TLN2: variants seen among roughly 807,000 people sequenced by gnomAD.
TLN2 encodes the protein talin 2.
TLN2 carries 118 observed loss-of-function variants against 294.7 expected under a neutral mutation model. The ratio of observed to expected loss-of-function variants is 0.40; its 90% CI spans 0.34 to 0.47. TLN2 has a LOEUF of 0.47. Among genes scored for constraint, TLN2 ranks in the 20% least tolerant of loss-of-function variants. The pLI is 0.84. For missense variants in TLN2, 3,083 were observed against 3,282.2 expected (o/e 0.94, Z 1.48); for synonymous variants, 1,431 against 1,304.5 (o/e 1.10, Z -2.09).
intron 1 of TLN2, among the ~76,000 whole-genome samples, chr15:62,423,227 C>G (rs1379573223): frequency 6.6e-6 from 1 of 152,046 alleles, no homozygotes; most frequent in African/African-American, 2.4e-5. Flanking sequence ...CACCTCGTCT[C>G]TACAAAAAAA....
chr15:62,570,402 C>T (rs1008961819), intron 1 of TLN2, among the ~76,000 whole-genome samples: 1 of 152,168 alleles, frequency 6.6e-6, no homozygotes, highest in African/African-American at 2.4e-5. Context: ...CTCTTGTGTT[C>T]CTGAGGGAGC....
chr15:62,729,241 C>T (rs369418993), intron 28 of TLN2, among the ~76,000 whole-genome samples: 1 of 152,166 alleles, frequency 6.6e-6, no homozygotes. Context: ...TACTATATTG[C>T]AGTTTTATAC....
At chr15:62,787,487 T>C (rs1235320184) in intron 45 of TLN2, among the ~76,000 whole-genome samples, 3 of 152,012 alleles carry the variant, frequency 2.0e-5, no homozygotes, top group African/African-American at 4.8e-5. Context: ...TACTTTTATT[T>C]CGACAAAAAA....
At chr15:62,492,347 A>G (rs2038782730) in intron 1 of TLN2, among the ~76,000 whole-genome samples, 2 of 151,970 alleles carry the variant, frequency 1.3e-5, no homozygotes, top group South Asian at 4.1e-4. Flanking sequence ...TCACGAGGTC[A>G]GGAGATCGAG....
intron 19 of TLN2, among the ~76,000 whole-genome samples, chr15:62,703,183 A>G (rs997921815): frequency 4.6e-5 from 7 of 150,666 alleles, no homozygotes; most frequent in East Asian, 2.0e-4. Context: ...GCTCATTGCA[A>G]CCTCCATCTC....
chr15:62,593,443 C>G (rs2046240938), intron 2 of TLN2, among the ~76,000 whole-genome samples: 3 of 152,252 alleles, frequency 2.0e-5, no homozygotes, highest in Admixed American at 2.0e-4. Context: ...ACTTACTAAA[C>G]CATGGTATAA....
intron 1 of TLN2, among the ~76,000 whole-genome samples, chr15:62,516,720 G>A (rs1365266666): frequency 1.3e-5 from 2 of 152,184 alleles, no homozygotes; most frequent in African/African-American, 4.8e-5. Context: ...GAAGCTCTAG[G>A]GGGCAGGTGA....
intron 1 of TLN2, among the ~76,000 whole-genome samples, chr15:62,517,301 A>T (rs2040235694): frequency 6.6e-6 from 1 of 152,116 alleles, no homozygotes; most frequent in South Asian, 2.1e-4. Context: ...CATACCCTGA[A>T]CTGCTGTTAG....
At chr15:62,640,141 G>A (rs892223642) in intron 3 of TLN2, 1 of 455,082 alleles carries the variant, frequency 2.2e-6, no homozygotes, top group Non-Finnish European at 4.4e-6. Context: ...CTGTGACCCA[G>A]TGCATGGTGG....
At chr15:62,822,219 A>G (rs1014771234) in intron 54 of TLN2, among the ~76,000 whole-genome samples, 1 of 152,226 alleles carries the variant, frequency 6.6e-6, no homozygotes, top group African/African-American at 2.4e-5. Flanking sequence ...TTCCTACCCC[A>G]TAGGATTATT....
chr15:62,396,339 A>G (rs1176457266), intron 1 of TLN2, among the ~76,000 whole-genome samples: 1 of 152,236 alleles, frequency 6.6e-6, no homozygotes, highest in African/African-American at 2.4e-5. Flanking sequence ...TGGTTAATGG[A>G]TAAGAAACTC....
chr15:62,809,456 G>A lies in TLN2; in HGVS notation c.6664-469G>A, dbSNP rs555396219. Among the ~76,000 whole-genome samples the A allele has an allele frequency of 1.1e-4, 16 of 152,284 alleles. No homozygotes were observed. The South Asian group carries it at 2.9e-3, about 28-fold the overall frequency. Reference sequence around the variant, plus strand: ...GGTCACAGAGACCTCACTGACTGCAGCATGGTCAGGCCCAGGGGTGAGAGC... The same window carrying A: ...GGTCACAGAGACCTCACTGACTGCAACATGGTCAGGCCCAGGGGTGAGAGC... On this transcript the variant is annotated intron_variant, in intron 51 of 58. Coordinates refer to ENST00000636159, the MANE Select transcript of TLN2 (RefSeq NM_015059.3).
At chr15:62,748,810 A>C (rs1231156926) in intron 33 of TLN2, among the ~76,000 whole-genome samples, 3 of 152,198 alleles carry the variant, frequency 2.0e-5, no homozygotes, top group Non-Finnish European at 2.9e-5. Flanking sequence ...TTCTGGAACA[A>C]TGGGGAGAGA....
At chr15:62,589,331 AAAG>A (rs2045907995) in intron 1 of TLN2, among the ~76,000 whole-genome samples, 1 of 152,206 alleles carries the variant, frequency 6.6e-6, no homozygotes, top group African/African-American at 2.4e-5. Flanking sequence ...CTAATTTTAA[AAAG>A]AAGCAGAGTG....
intron 3 of TLN2, among the ~76,000 whole-genome samples, chr15:62,621,238 A>G (rs1007169937): frequency 6.6e-5 from 10 of 152,150 alleles, no homozygotes; most frequent in African/African-American, 2.2e-4. Context: ...TCAAGGATTC[A>G]GGTTAGAGCA....
intron 1 of TLN2, among the ~76,000 whole-genome samples, chr15:62,553,480 G>A (rs906500932): frequency 7.9e-5 from 12 of 151,508 alleles, no homozygotes; most frequent in African/African-American, 2.2e-4. Flanking sequence ...GCGAGACTCC[G>A]TCTCAAAAAA....
chr15:62,510,498 A>C (rs1460196686), intron 1 of TLN2, among the ~76,000 whole-genome samples: 3 of 152,268 alleles, frequency 2.0e-5, no homozygotes, highest in African/African-American at 7.2e-5. Context: ...ATCATATTTA[A>C]ATCTTGCCCA....
intron 1 of TLN2, among the ~76,000 whole-genome samples, chr15:62,558,288 T>C (rs1017663759): frequency 2.0e-5 from 3 of 152,200 alleles, no homozygotes; most frequent in Admixed American, 2.0e-4. Flanking sequence ...TTATAGGATT[T>C]CGAATGTGTA....
At chr15:62,580,969 C>T (rs756854181) in intron 1 of TLN2, among the ~76,000 whole-genome samples, 12 of 151,506 alleles carry the variant, frequency 7.9e-5, no homozygotes, top group South Asian at 2.1e-4. Context: ...CAGCAACTTC[C>T]GCCTCCCAGG....
Sources: allele counts gnomAD v4.1 joint callset (sites outside exome capture counted in the v4.1 genomes callset), GRCh38; gene constraint gnomAD v4.1.1; transcripts MANE v1.5; gene names NCBI Gene and HGNC (gene_info 2026-07-23, HGNC 2026-07-21).